SCAI: variants seen among roughly 807,000 people sequenced by gnomAD.
The protein encoded by SCAI is suppressor of cancer cell invasion, also known as protein SCAI.
Under a neutral mutation model 92.2 loss-of-function variants are expected in SCAI, and 24 were observed. The observed-to-expected ratio is 0.26, with a 90% CI of 0.19 to 0.37. The LOEUF is 0.37. SCAI is among the 10% of genes least tolerant of loss of function. SCAI has a pLI of 1.00. For missense variants in SCAI, 450 were observed against 736.2 expected, an observed-to-expected ratio of 0.61 and a Z score of 4.50; for synonymous variants, 261 against 258.6, an observed-to-expected ratio of 1.01 and a Z score of -0.09.
intron 2 of SCAI, among the ~76,000 whole-genome samples, chr9:125,112,734 C>T (rs1366652046): frequency 6.6e-6 from 1 of 152,156 alleles, no homozygotes; most frequent in Non-Finnish European, 1.5e-5. Flanking sequence ...AATCAGGGAT[C>T]CTTGGAGAAA....
chr9:125,031,813 T>A (rs558284661), intron 3 of SCAI, among the ~76,000 whole-genome samples: 24 of 152,266 alleles, frequency 1.6e-4, no homozygotes, highest in South Asian at 1.2e-3. Flanking sequence ...ATCTTTTAAT[T>A]TTTTTATGAT....
At chr9:125,031,617 C>T (rs1833076516) in intron 3 of SCAI, among the ~76,000 whole-genome samples, 2 of 152,214 alleles carry the variant, frequency 1.3e-5, no homozygotes, top group South Asian at 2.1e-4. Context: ...ATCTAGAGAT[C>T]AATTTGGGGA....
Position 125,069,614 on chromosome 9 carries a change from G to C in SCAI, c.99-13607C>G, listed in dbSNP as rs866235306. Among the ~76,000 whole-genome samples, 224 of 145,822 alleles carry C rather than the reference G, an allele frequency of 1.5e-3. 2 individuals are homozygous for C. The highest frequency in any genetic ancestry group is 0.015 in the Middle Eastern group (4 of 272). ...ATTACAGGCGTCAGCCATTGCACCCGGTCTTTTTTTTTTTTTTTTTTTTTT... is the reference window on the plus strand; with the variant it reads ...ATTACAGGCGTCAGCCATTGCACCCCGTCTTTTTTTTTTTTTTTTTTTTTT... On this transcript the variant is annotated intron_variant, in intron 2 of 17. Transcript: ENST00000336505.
In SCAI at chr9:124,971,757, C is replaced by T. The variant is rs371655620; in HGVS notation, c.1487G>A (p.Arg496His). The change falls in exon 16 of 18, where the codon CGC becomes CAC. Residue 496 changes from arginine to histidine, a missense_variant. By Grantham distance (29) the Arg-to-His change is conservative. Transcript: ENST00000336505. ...FLFVSGLSSM[R>H]RGLWEKCQEY... ...TTGACACTTTTCCCATAGGCCTCTG[C>T]GCATGCTTGACAATCCAGAGACAAA... is the stretch of plus-strand genomic sequence containing the variant. 23 of 1,612,232 alleles carry T rather than the reference C, an allele frequency of 1.4e-5. No homozygotes were observed. Among genetic ancestry groups the T allele is most frequent in the South Asian group, 2.2e-5 (2 of 90,740 alleles).
intron 13 of SCAI, among the ~76,000 whole-genome samples, chr9:124,996,758 T>A (rs1265680690): frequency 6.6e-6 from 1 of 152,098 alleles, no homozygotes; most frequent in Admixed American, 6.6e-5. Flanking sequence ...GCCTCCCAAG[T>A]AGCTGGGATT....
intron 15 of SCAI, among the ~76,000 whole-genome samples, chr9:124,973,767 G>A (rs1831704184): frequency 6.6e-6 from 1 of 152,194 alleles, no homozygotes; most frequent in Non-Finnish European, 1.5e-5. Context: ...GGCAGAGGTT[G>A]TAGTGAGCTG....
At chr9:125,117,158 CA>C (rs1835061553) in intron 2 of SCAI, among the ~76,000 whole-genome samples, 1 of 152,094 alleles carries the variant, frequency 6.6e-6, no homozygotes, top group Non-Finnish European at 1.5e-5. Flanking sequence ...GTCTGTTATC[CA>C]ATGAAGTAAC....
In SCAI at chr9:124,973,696, G is replaced by A. The variant is rs546820050; in HGVS notation, c.1400-1852C>T. ...AAAAAAATTAGCTGGGAGTGGTGGC[G>A]AGCGCCTGTAATCCCAGCTTCTCGG... On this transcript the variant is annotated intron_variant, in intron 15 of 17. Coordinates refer to ENST00000336505, the MANE Select transcript of SCAI (RefSeq NM_001144877.3). 1.6e-4 allele frequency among the ~76,000 whole-genome samples: 25 copies of A among 151,898 alleles called. No individual in the cohort carries two copies. The East Asian group carries it at 4.6e-3, about 28-fold the overall frequency.
intron 2 of SCAI, among the ~76,000 whole-genome samples, chr9:125,067,060 A>G (rs933764310): frequency 2.0e-5 from 3 of 152,230 alleles, no homozygotes; most frequent in Non-Finnish European, 2.9e-5. Flanking sequence ...CCTGTTGTTA[A>G]GCAACACGAC....
chr9:125,046,196 G>GATAGATATAT (rs1554784575), intron 3 of SCAI, among the ~76,000 whole-genome samples: 13 of 51,880 alleles, frequency 2.5e-4, no homozygotes, highest in African/African-American at 3.7e-4. Context: ...GAAATTGTGA[G>GATAGATATAT]ATATATATAT....
chr9:125,060,177 C>G (rs1833744984), intron 2 of SCAI, among the ~76,000 whole-genome samples: 1 of 150,220 alleles, frequency 6.7e-6, no homozygotes, highest in Non-Finnish European at 1.5e-5. Context: ...CTATTTGGCA[C>G]TTGAAACATG....
Position 124,949,901 on chromosome 9 carries a change from T to A in SCAI, c.*2906A>T, listed in dbSNP as rs1831207040. On this transcript the variant is annotated 3_prime_UTR_variant, in exon 18 of 18. Transcript: ENST00000336505. The surrounding 1 kb of genome is among the most constrained non-coding windows in gnomAD (Gnocchi z 4.0). ...AGGCATCAATGAAACAATAACATTT[T>A]CCAGCACAGTTTTCCTCTCTTTGAA... The A allele has an allele frequency of 6.6e-6, 1 of 152,184 alleles. No homozygotes were observed. The highest frequency in any genetic ancestry group is 1.5e-5 in the Non-Finnish European group (1 of 68,026). 9.4% of individuals were successfully genotyped at this position (152,184 alleles called of 1,614,324 possible).
intron 9 of SCAI, among the ~76,000 whole-genome samples, chr9:125,004,744 T>C (rs1832440349): frequency 6.7e-5 from 1 of 14,820 alleles, no homozygotes; most frequent in African/African-American, 2.5e-4. Flanking sequence ...CATATATATA[T>C]ATATATATAT....
chr9:125,081,970 T>G (rs1313061929), intron 2 of SCAI, among the ~76,000 whole-genome samples: 2 of 152,176 alleles, frequency 1.3e-5, no homozygotes, highest in South Asian at 2.1e-4. Context: ...GGGGAGACAT[T>G]CAAGCCGGCT....
intron 14 of SCAI, among the ~76,000 whole-genome samples, chr9:124,991,383 C>G (rs1021106195): frequency 2.3e-5 from 3 of 127,878 alleles, no homozygotes; most frequent in Admixed American, 8.3e-5. Flanking sequence ...AAAAAATTAA[C>G]GAGTAATATT....
At chr9:125,128,610 G>A (rs1218664706) in intron 2 of SCAI, among the ~76,000 whole-genome samples, 4 of 151,912 alleles carry the variant, frequency 2.6e-5, no homozygotes, top group East Asian at 1.9e-4. Context: ...AAAATTAGCC[G>A]GGTGTGGTGG....
chr9:125,075,548 C>G (rs1001068509), intron 2 of SCAI, among the ~76,000 whole-genome samples: 18 of 151,484 alleles, frequency 1.2e-4, no homozygotes, highest in African/African-American at 3.9e-4. Flanking sequence ...TAGGCATGCA[C>G]CACCACGTCC....
At chr9:125,110,385 C>T (rs1270276344) in intron 2 of SCAI, among the ~76,000 whole-genome samples, 2 of 152,170 alleles carry the variant, frequency 1.3e-5, no homozygotes, top group South Asian at 2.1e-4. Flanking sequence ...TGGCACACAC[C>T]TATAATCCCA....
chr9:125,084,151 G>A (rs1470265806), intron 2 of SCAI, among the ~76,000 whole-genome samples: 1 of 139,098 alleles, frequency 7.2e-6, no homozygotes, highest in Non-Finnish European at 1.5e-5. Flanking sequence ...AGGACTCTTG[G>A]CTGCTGCTTT....
Sources: allele counts gnomAD v4.1 joint callset (sites outside exome capture counted in the v4.1 genomes callset), GRCh38; gene constraint gnomAD v4.1.1; non-coding constraint Gnocchi (gnomAD v3.1); transcripts MANE v1.5; gene names NCBI Gene and HGNC (gene_info 2026-07-23, HGNC 2026-07-21).